Variants in ZBTB9 observed in about 807,000 individuals in gnomAD.
ZBTB9 encodes the protein zinc finger and BTB domain containing 9, also known as zinc finger and BTB domain-containing protein 9.
Under a neutral mutation model 26.3 loss-of-function variants are expected in ZBTB9, and 17 were observed. The observed-to-expected ratio is 0.65, with a 90% CI of 0.44 to 0.97. ZBTB9 has a LOEUF of 0.97. Ranked by LOEUF, ZBTB9 falls within the 50% of genes least tolerant of loss-of-function variation. ZBTB9 has a pLI of 0.00. For synonymous variants in ZBTB9, 226 were observed against 234.3 expected (o/e 0.96, Z 0.32); for missense variants, 510 against 594.2 (o/e 0.86, Z 1.47).
At chr6:33,454,490 G>C (rs2151218675), upstream of ZBTB9, 1 of 154,234 alleles carries the variant, frequency 6.5e-6, no homozygotes, top group East Asian at 1.9e-4. Context: ...CAATCAACAC[G>C]AGGCTTGTAG....
chr6:33,456,110 G>C lies in ZBTB9; in HGVS notation c.1010G>C (p.Gly337Ala). The change falls in exon 2 of 2, where the codon GGG becomes GCG. Residue 337 changes from glycine to alanine, a missense_variant. Around this residue, in one of 2 missense-constraint regions of ZBTB9, gnomAD observed 439 missense variants for 460.4 expected, o/e 0.95. Coordinates refer to ENST00000395064, the MANE Select transcript of ZBTB9 (RefSeq NM_152735.4). This position sits in a 1 kb window ranked among gnomAD's most constrained non-coding sequence, Gnocchi z 5.1. ...LLPSGPGPTS[G>A]GGGPSWKPVD... is the part of the protein sequence containing the mutation. Reference sequence around the variant, plus strand: ...CCTTCAGGGCCAGGGCCAACATCTGGGGGAGGGGGTCCATCCTGGAAACCA... The same window carrying C: ...CCTTCAGGGCCAGGGCCAACATCTGCGGGAGGGGGTCCATCCTGGAAACCA... The C allele has an allele frequency of 6.2e-7, 1 of 1,613,614 alleles. No homozygotes were observed. The highest frequency in any genetic ancestry group is 1.3e-5 in the African/African-American group (1 of 75,034).
chr6:33,454,773 C>A lies in ZBTB9; in HGVS notation c.-74C>A. The A allele has an allele frequency of 2.5e-6, 1 of 399,162 alleles. No homozygotes were observed. The highest frequency in any genetic ancestry group is 4.5e-6 in the Non-Finnish European group (1 of 222,906). 24.7% of individuals were successfully genotyped at this position (399,162 alleles called of 1,614,324 possible). On this transcript the variant is annotated splice_region_variant and 5_prime_UTR_variant, in exon 1 of 2. Transcript: ENST00000395064. ...GCGGCGGGGCAGGAGCTGTTCTGGG[C>A]AGGTGAAGGCAGGCTGGTGGCTGAA...
rs1211939928 is a variant in ZBTB9, at chr6:33,456,395, C to T, written c.1295C>T (p.Thr432Ile). 1.2e-6 allele frequency: 2 copies of T among 1,614,188 alleles called. No individual in the cohort carries two copies. The highest frequency in any genetic ancestry group is 8.5e-7 in the Non-Finnish European group (1 of 1,180,040). Residue 432 changes from threonine to isoleucine, a missense_variant, in exon 2 of 2, where the codon ACC becomes ATC. Thr to Ile is a moderately conservative substitution (Grantham distance 89). Around this residue, in one of 2 missense-constraint regions of ZBTB9, gnomAD observed 71 missense variants for 133.8 expected, o/e 0.53. Transcript: ENST00000395064. The surrounding 1 kb of genome is among the most constrained non-coding windows in gnomAD (Gnocchi z 5.1). ...LKHHLTEHMK[T>I]HAGALHACPH... ...CACCATCTGACAGAGCACATGAAGA[C>T]CCATGCTGGAGCCCTGCATGCCTGT...
In ZBTB9 at chr6:33,456,610, T is replaced by A. The variant is rs886927522; in HGVS notation, c.*88T>A. ...CCTCACTGCCATGGCACACCAGTCA[T>A]GGATCTTGTAATCATGCCAAGAGAA... On this transcript the variant is annotated 3_prime_UTR_variant, in exon 2 of 2. Coordinates refer to ENST00000395064, the MANE Select transcript of ZBTB9 (RefSeq NM_152735.4). This position sits in a 1 kb window ranked among gnomAD's most constrained non-coding sequence, Gnocchi z 5.1. 2.0e-6 allele frequency: 3 copies of A among 1,516,424 alleles called. No individual in the cohort carries two copies. The African/African-American group carries it at 4.2e-5, about 21-fold the overall frequency. 93.9% of individuals were successfully genotyped at this position (1,516,424 alleles called of 1,614,324 possible).
upstream of ZBTB9, chr6:33,453,457 C>T (rs1374871635): frequency 2.3e-5 from 3 of 131,384 alleles, no homozygotes; most frequent in Non-Finnish European, 4.9e-5. Context: ...CTTCCTGGCC[C>T]CCTCCCCCCC....
chr6:33,456,641 A>G lies in ZBTB9; in HGVS notation c.*119A>G. On this transcript the variant is annotated 3_prime_UTR_variant, in exon 2 of 2. Transcript: ENST00000395064. The surrounding 1 kb of genome is among the most constrained non-coding windows in gnomAD (Gnocchi z 5.1). Reference sequence around the variant, plus strand: ...TTGTAATCATGCCAAGAGAATAGATACATTATGGACCTCTTGTTCTTAGAT... The same window carrying G: ...TTGTAATCATGCCAAGAGAATAGATGCATTATGGACCTCTTGTTCTTAGAT... The G allele has an allele frequency of 6.8e-7, 1 of 1,469,164 alleles. No homozygotes were observed. The highest frequency in any genetic ancestry group is 9.1e-7 in the Non-Finnish European group (1 of 1,103,476). The allele number at this position is 1,469,164 out of a possible 1,614,324, so 91.0% of individuals were successfully genotyped here.
upstream of ZBTB9, chr6:33,453,829 TC>T (rs1761411792): frequency 6.6e-6 from 1 of 151,910 alleles, no homozygotes; most frequent in South Asian, 2.1e-4. Flanking sequence ...AATGTCACTC[TC>T]CCCTCCCAAT....
rs879255819 is a variant in ZBTB9 at position 33,454,654 on chromosome 6, C to T, written c.-193C>T. 3.5e-5 allele frequency: 7 copies of T among 199,668 alleles called. No individual in the cohort carries two copies. Among genetic ancestry groups the T allele is most frequent in the East Asian group, 1.1e-4 (1 of 9,056 alleles). 12.4% of individuals were successfully genotyped at this position (199,668 alleles called of 1,614,324 possible). A position where few individuals can be genotyped will look rare whatever the true frequency, so the allele number is the denominator to read the frequency against. ...CGCGTGTGTAACGGCGGGGGCGTGTCGGCGGGAAGGACAATCGGGCCGGGA... is the reference window on the plus strand; with the variant it reads ...CGCGTGTGTAACGGCGGGGGCGTGTTGGCGGGAAGGACAATCGGGCCGGGA... On this transcript the variant is annotated 5_prime_UTR_variant, in exon 1 of 2. Transcript: ENST00000395064.
rs141334348 is a variant in ZBTB9 at position 33,455,135 on chromosome 6, C to T, written c.35C>T (p.Ala12Val). 3.5e-4 allele frequency: 565 copies of T among 1,612,002 alleles called. 1 individual carries two copies. In the African/African-American group the frequency reaches 6.5e-3, roughly 19 times the overall value. Residue 12 changes from alanine (A) to valine (V), a missense_variant, in exon 2 of 2, where the codon GCC becomes GTC. Physicochemically the swap from Ala to Val is moderately conservative, Grantham distance 64 (BLOSUM62 0). Around this residue, in one of 2 missense-constraint regions of ZBTB9, gnomAD observed 439 missense variants for 460.4 expected, o/e 0.95. Coordinates refer to ENST00000395064, the MANE Select transcript of ZBTB9 (RefSeq NM_152735.4). ...CCAACACCTTTGCCGCCTGTACCCG[C>T]CTCCCCGACCTGCAACCCAGCCCCA... The part of the protein sequence containing the change: ...ETPTPLPPVP[A>V]SPTCNPAPRT...
At position 33,455,247 on chromosome 6, in the gene ZBTB9, T is replaced by C. The variant is rs1455249118; in HGVS notation, c.147T>C (p.Asp49=). Residue 49 remains aspartate, a synonymous_variant, in exon 2 of 2, where the codon GAT becomes GAC. Transcript: ENST00000395064. The stretch of plus-strand genomic sequence containing the variant: ...ACAGGCTAGAGGGAAAGTTCTGTGA[T>C]GTGTCCCTCCTGGTGCAGGGCCGGG... ...NRHRLEGKFC[D]VSLLVQGREL... 2 of 1,614,238 alleles carry C rather than the reference T, an allele frequency of 1.2e-6. No homozygotes were observed. Among genetic ancestry groups the C allele is most frequent in the Admixed American group, 1.7e-5 (1 of 60,028 alleles).
chr6:33,455,650 GCTT>G lies in ZBTB9; in HGVS notation c.553_555del (p.Ser185del). ...TTTCCAGACCCCAGTACAGTCCTCT[GCTT>G]CTACTGAAAGCCCTGCTTCCACTGA... On this transcript the variant is annotated inframe_deletion, in exon 2 of 2. Transcript: ENST00000395064. 1.9e-6 allele frequency: 3 copies of G among 1,614,200 alleles called. No individual in the cohort carries two copies. Among genetic ancestry groups the G allele is most frequent in the Non-Finnish European group, 2.5e-6 (3 of 1,180,012 alleles).
At position 33,455,795 on chromosome 6, in the gene ZBTB9, C is replaced by T. The variant is rs781499586; in HGVS notation, c.695C>T (p.Ser232Phe). 3 of 1,611,380 alleles carry T rather than the reference C, an allele frequency of 1.9e-6. No individual in the cohort carries two copies. The South Asian group carries it at 3.3e-5, about 18-fold the overall frequency. ...GAGGACCAGGGGTCAGCCACACTCT[C>T]TCAGACTCCTCAGCCCCAGAGAGTA... ...DDEDQGSATL[S>F]QTPQPQRVSG... Residue 232 changes from serine to phenylalanine, a missense_variant, in exon 2 of 2, where the codon TCT (serine) becomes TTT (phenylalanine). By Grantham distance (155) the Ser-to-Phe change is radical. Around this residue, in one of 2 missense-constraint regions of ZBTB9, gnomAD observed 439 missense variants for 460.4 expected, o/e 0.95. Transcript: ENST00000395064.
intron 1 of ZBTB9, 83 bp downstream of exon 1, chr6:33,454,858 G>T: frequency 3.6e-6 from 2 of 556,084 alleles, no homozygotes; most frequent in Non-Finnish European, 6.2e-6. Flanking sequence ...GTGTTTAGTG[G>T]TGGTGGTTGT....
At position 33,455,196 on chromosome 6, in the gene ZBTB9, G is replaced by T. The variant is rs769987535; in HGVS notation, c.96G>T (p.Ser32=). ...AGATCGAGTTCCCACAGCATAGCTC[G>T]TCTCTGCTGGAATCTCTGAACCGCC... ...TIQIEFPQHS[S]SLLESLNRHR... is the part of the protein sequence containing the mutation. Residue 32 remains serine (S), a synonymous_variant, in exon 2 of 2, where the codon TCG becomes TCT. Coordinates refer to ENST00000395064, the MANE Select transcript of ZBTB9 (RefSeq NM_152735.4). 1.2e-6 allele frequency: 2 copies of T among 1,613,952 alleles called. No individual in the cohort carries two copies. Among genetic ancestry groups the T allele is most frequent in the Admixed American group, 3.3e-5 (2 of 59,992 alleles).
chr6:33,454,900 C>A, intron 1 of ZBTB9, 125 bp downstream of exon 1: 1 of 691,540 alleles, frequency 1.4e-6, no homozygotes, highest in Non-Finnish European at 2.3e-6. Flanking sequence ...TCTTGGTGTG[C>A]GGGACTGATT....
chr6:33,454,910 T>G, intron 1 of ZBTB9, 120 bp from the exon 2 acceptor site: 1 of 812,030 alleles, frequency 1.2e-6, no homozygotes, highest in Non-Finnish European at 1.8e-6. Flanking sequence ...CGGGACTGAT[T>G]TGCAGAAACC....
chr6:33,456,309 G>C lies in ZBTB9; in HGVS notation c.1209G>C (p.Met403Ile). The C allele has an allele frequency of 1.9e-6, 3 of 1,613,874 alleles. No homozygotes were observed. Among genetic ancestry groups the C allele is most frequent in the Non-Finnish European group, 2.5e-6 (3 of 1,179,960 alleles). ...AGCCAAAGCGTGACCGGCACATCAT[G>C]CTGACCTTCAGCCTTCGGCCTTTTG... ...AVKPKRDRHI[M>I]LTFSLRPFGC... Residue 403 changes from methionine (M) to isoleucine (I), a missense_variant, in exon 2 of 2, where the codon ATG (methionine) becomes ATC (isoleucine). By Grantham distance (10) the Met-to-Ile change is conservative. Coordinates refer to ENST00000395064, the MANE Select transcript of ZBTB9 (RefSeq NM_152735.4). This position sits in a 1 kb window ranked among gnomAD's most constrained non-coding sequence, Gnocchi z 5.1.
In ZBTB9 at chr6:33,455,630, A is replaced by G; in HGVS notation, c.530A>G (p.Gln177Arg). The G allele has an allele frequency of 6.2e-7, 1 of 1,614,046 alleles. No individual in the cohort carries two copies. Among genetic ancestry groups the G allele is most frequent in the Non-Finnish European group, 8.5e-7 (1 of 1,179,938 alleles). The change falls in exon 2 of 2, where the codon CAG becomes CGG. Residue 177 changes from glutamine (Q) to arginine (R), a missense_variant. By Grantham distance (43) the Gln-to-Arg change is conservative (BLOSUM62 1). This residue lies in a region of ZBTB9 where 439 missense variants were observed against 460.4 expected (regional missense o/e 0.95). Transcript: ENST00000395064. ...GGWCIRSSPF[Q>R]TPVQSSASTE... ...TGGTGCATTCGCTCTTCGCCTTTCC[A>G]GACCCCAGTACAGTCCTCTGCTTCT...
At chr6:33,453,339 T>TC (rs1343917767), upstream of ZBTB9, 1 of 152,880 alleles carries the variant, frequency 6.5e-6, no homozygotes, top group Non-Finnish European at 1.5e-5. Context: ...CCCTGGACCC[T>TC]CCCCAACCTT....
Sources: allele counts gnomAD v4.1 joint callset, GRCh38; gene constraint gnomAD v4.1.1; regional missense constraint gnomAD v4.1.1; non-coding constraint Gnocchi (gnomAD v3.1); transcripts MANE v1.5; gene names NCBI Gene and HGNC (gene_info 2026-07-23, HGNC 2026-07-21).